Variants in C12orf42 observed in about 807,000 individuals in gnomAD.
The protein encoded by C12orf42 is chromosome 12 open reading frame 42.
In C12orf42, 25 loss-of-function variants were observed where a neutral mutation model predicts 21.6. That is an observed-to-expected ratio of 1.16 (90% confidence interval 0.84 to 1.62). The LOEUF (loss-of-function observed/expected upper bound fraction) is 1.62. Among genes scored for constraint, C12orf42 ranks in the 40% most tolerant of loss-of-function variants. The probability of loss-of-function intolerance (pLI) is 0.00; values close to 1 mark genes in which losing one functional copy is unlikely to be tolerated. For synonymous variants in C12orf42, 174 were observed against 175.0 expected (o/e 0.99, Z 0.05); for missense variants, 483 against 459.3 (o/e 1.05, Z -0.47).
At chr12:103,410,526 G>A (rs7303437) in intron 2 of C12orf42, among the ~76,000 whole-genome samples, 25,665 of 152,154 alleles carry the variant, frequency 0.17, 2,409 homozygotes, top group African/African-American at 0.26. Context: ...ATAAGAAAGA[G>A]GCCTTGACTG....
intron 4 of C12orf42, among the ~76,000 whole-genome samples, chr12:103,310,583 T>C (rs2038882266): frequency 6.6e-6 from 1 of 152,214 alleles, no homozygotes. Flanking sequence ...ATGCCAGCCT[T>C]GTAAAGGCCA....
At chr12:103,237,868 T>G (rs1466762905) in exon 11 of C12orf42, 2 of 152,198 alleles carry the variant, frequency 1.3e-5, no homozygotes, top group Non-Finnish European at 1.5e-5. Context: ...GTTAGTTCTA[T>G]CATGTTCCGT....
the C12orf42 span, among the ~76,000 whole-genome samples, chr12:103,553,250 C>T: frequency 6.6e-6 from 1 of 152,142 alleles, no homozygotes; most frequent in African/African-American, 2.4e-5. Context: ...CAAAAACCAC[C>T]CCTGGTTGAG....
chr12:103,465,883 A>G (rs1413337334), intron 2 of C12orf42, among the ~76,000 whole-genome samples: 1 of 152,196 alleles, frequency 6.6e-6, no homozygotes. Context: ...AGTTCTGTTT[A>G]GGTAATGAAT....
intron 10 of C12orf42, among the ~76,000 whole-genome samples, chr12:103,259,533 C>T (rs879339623): frequency 2.0e-5 from 3 of 152,208 alleles, no homozygotes; most frequent in Non-Finnish European, 2.9e-5. Flanking sequence ...CCTGCCTCGG[C>T]CTCCCAAAGT....
At position 103,368,762 on chromosome 12, in the gene C12orf42, C is replaced by T. The variant is rs2044872039; in HGVS notation, c.259+125G>A. ...AACTTCATGAGCCAATGAATTTCCT[C>T]TTTTGTTGCCATTTTGAAACATAGC... On this transcript the variant is annotated intron_variant, in intron 4 of 5. Coordinates refer to ENST00000548883, the MANE Select transcript of C12orf42 (RefSeq NM_198521.5). The T allele has an allele frequency of 3.2e-5, 18 of 558,464 alleles. No homozygotes were observed. In the East Asian group the frequency reaches 5.1e-4, roughly 16 times the overall value. 34.6% of individuals were successfully genotyped at this position (558,464 alleles called of 1,614,324 possible).
At chr12:103,228,605 C>T in the C12orf42 span, among the ~76,000 whole-genome samples, 3 of 152,062 alleles carry the variant, frequency 2.0e-5, no homozygotes, top group Admixed American at 6.5e-5. Context: ...CAGGGCCTTG[C>T]AGGTGAGACT....
chr12:103,491,230 CTTGAG>C (rs1395713487), intron 1 of C12orf42, among the ~76,000 whole-genome samples: 1 of 152,110 alleles, frequency 6.6e-6, no homozygotes, highest in Non-Finnish European at 1.5e-5. Context: ...TCCACCTCTC[CTTGAG>C]TTAATTTTAA....
intron 10 of C12orf42, among the ~76,000 whole-genome samples, chr12:103,254,089 C>T (rs533272241): frequency 1.3e-5 from 2 of 152,206 alleles, no homozygotes; most frequent in South Asian, 4.1e-4. Flanking sequence ...AGATTTTCTT[C>T]TAGGGTTTTT....
chr12:103,520,037 A>G, the C12orf42 span, among the ~76,000 whole-genome samples: 868 of 152,330 alleles, frequency 5.7e-3, 4 homozygotes, highest in African/African-American at 0.02. Flanking sequence ...GAGCGGCCAC[A>G]GGCATTCCTC....
chr12:103,480,111 T>C (rs1160118360), intron 1 of C12orf42, among the ~76,000 whole-genome samples: 3 of 151,986 alleles, frequency 2.0e-5, no homozygotes, highest in Admixed American at 1.3e-4. Context: ...ATTCAATTTA[T>C]TTAATGATTA....
At chr12:103,271,091 G>T (rs12578243) in intron 5 of C12orf42, among the ~76,000 whole-genome samples, 4,335 of 152,170 alleles carry the variant, frequency 0.028, 162 homozygotes, top group East Asian at 0.19. Flanking sequence ...ACAGCACCTT[G>T]TTATGTATCA....
chr12:103,356,453 T>C (rs961164964), intron 4 of C12orf42, among the ~76,000 whole-genome samples: 3 of 152,106 alleles, frequency 2.0e-5, no homozygotes, highest in African/African-American at 4.8e-5. Flanking sequence ...GTTCCAAGTC[T>C]TTGCTATTGT....
intron 4 of C12orf42, among the ~76,000 whole-genome samples, chr12:103,362,330 AC>A (rs1007873894): frequency 6.6e-6 from 1 of 152,022 alleles, no homozygotes; most frequent in African/African-American, 2.4e-5. Context: ...TCAAGGGAAC[AC>A]CCCATGGAAC....
chr12:103,525,409 C>A, the C12orf42 span, among the ~76,000 whole-genome samples: 2 of 152,174 alleles, frequency 1.3e-5, no homozygotes, highest in African/African-American at 4.8e-5. Context: ...GAATCCATCT[C>A]AATGAATGCA....
chr12:103,428,231 TAAAG>T (rs1388170083), intron 2 of C12orf42, among the ~76,000 whole-genome samples: 16 of 151,666 alleles, frequency 1.1e-4, no homozygotes, highest in African/African-American at 3.6e-4. Flanking sequence ...GCCAGACTAA[TAAAG>T]AAGAAAAAAG....
downstream of C12orf42, chr12:103,237,502 G>T (rs1466076548): frequency 1.3e-5 from 2 of 152,216 alleles, no homozygotes; most frequent in Admixed American, 1.3e-4. Context: ...GGGTAGTTCA[G>T]AAGATCTTTG....
At chr12:103,053,535 C>G in the C12orf42 span, among the ~76,000 whole-genome samples, 1 of 151,932 alleles carries the variant, frequency 6.6e-6, no homozygotes, top group Non-Finnish European at 1.5e-5. Context: ...AATATTTTCT[C>G]CTGGTCTGTA....
At chr12:103,501,834 A>G in the C12orf42 span, among the ~76,000 whole-genome samples, 1 of 152,156 alleles carries the variant, frequency 6.6e-6, no homozygotes, top group Non-Finnish European at 1.5e-5. Context: ...CAGCCCACAG[A>G]CATCTTTTAT....
Sources: gnomAD v4.1 joint callset for allele counts (sites outside exome capture counted in the v4.1 genomes callset) on GRCh38, gnomAD v4.1.1 for gene constraint, MANE v1.5 for transcripts, NCBI Gene and HGNC (gene_info 2026-07-23, HGNC 2026-07-21) for gene names.